The following ABLIM1 variants were observed in gnomAD, a reference collection of about 807,000 sequenced individuals.
The protein encoded by ABLIM1 is actin binding LIM protein 1, also known as actin-binding LIM protein 1.
Under a neutral mutation model 107.0 loss-of-function variants are expected in ABLIM1, and 40 were observed. The observed-to-expected ratio is 0.37, with a 90% CI of 0.29 to 0.49. The LOEUF (loss-of-function observed/expected upper bound fraction) is 0.49. Ranked by LOEUF, ABLIM1 falls within the 20% of genes least tolerant of loss-of-function variation. The pLI is 0.97. For synonymous variants in ABLIM1, 357 were observed against 357.3 expected (o/e 1.00, Z 0.01); for missense variants, 857 against 1,008.5 (o/e 0.85, Z 2.04).
chr10:114,654,197 G>C (rs963991713), intron 1 of ABLIM1, among the ~76,000 whole-genome samples: 8 of 152,146 alleles, frequency 5.3e-5, no homozygotes, highest in Non-Finnish European at 7.3e-5. Context: ...TGGCTTTCTG[G>C]GAATCCCACG....
chr10:114,668,287 G>GATTAATTTAATCAAA (rs2080108396), intron 1 of ABLIM1, among the ~76,000 whole-genome samples: 1 of 152,154 alleles, frequency 6.6e-6, no homozygotes, highest in African/African-American at 2.4e-5. Flanking sequence ...AGGGACAAGT[G>GATTAATTTAATCAAA]GAGTGAGACA....
In ABLIM1 at chr10:114,435,431, C is replaced by G. The variant is rs138330657; in HGVS notation, c.*829G>C. On this transcript the variant is annotated 3_prime_UTR_variant, in exon 23 of 23. Coordinates refer to ENST00000533213, the MANE Select transcript of ABLIM1 (RefSeq NM_002313.7). Reference sequence around the variant, plus strand: ...CCTAATGGCATGCCACTGGGCCAATCTGGGGGCAATTTGTGTTTTTCCTTT... The same window carrying G: ...CCTAATGGCATGCCACTGGGCCAATGTGGGGGCAATTTGTGTTTTTCCTTT... 1 of 152,308 alleles carries G rather than the reference C, an allele frequency of 6.6e-6. No homozygotes were observed. Among genetic ancestry groups the G allele is most frequent in the East Asian group, 1.9e-4 (1 of 5,186 alleles). The allele number at this position is 152,308 out of a possible 1,614,324, so 9.4% of individuals were successfully genotyped here. A position where few individuals can be genotyped will look rare whatever the true frequency, so the allele number is the denominator to read the frequency against.
chr10:114,473,486 T>C (rs2066977443), intron 9 of ABLIM1, among the ~76,000 whole-genome samples: 1 of 152,190 alleles, frequency 6.6e-6, no homozygotes, highest in Admixed American at 6.5e-5. Context: ...GCATAATTAA[T>C]AAACTAAATA....
At chr10:114,512,827 AGAAGGAAG>A (rs146841851) in intron 6 of ABLIM1, among the ~76,000 whole-genome samples, 37 of 81,816 alleles carry the variant, frequency 4.5e-4, no homozygotes, top group African/African-American at 6.1e-4. Context: ...TCCATCAGAT[AGAAGGAAG>A]GAAGGAAGGA....
At chr10:114,611,545 C>T (rs981558008) in intron 1 of ABLIM1, among the ~76,000 whole-genome samples, 3 of 152,062 alleles carry the variant, frequency 2.0e-5, no homozygotes, top group African/African-American at 7.2e-5. Flanking sequence ...TAGGTCCTTG[C>T]TATTCCTCCA....
chr10:114,579,095 T>C (rs560401762), intron 2 of ABLIM1, among the ~76,000 whole-genome samples: 5 of 152,122 alleles, frequency 3.3e-5, no homozygotes, highest in African/African-American at 9.7e-5. Context: ...CCCAATGAGG[T>C]GTTTCTTTGA....
intron 12 of ABLIM1, among the ~76,000 whole-genome samples, chr10:114,457,432 G>A (rs2063039828): frequency 6.6e-6 from 1 of 152,026 alleles, no homozygotes; most frequent in Non-Finnish European, 1.5e-5. Context: ...ACCACATCCA[G>A]CTAGTTTTTG....
chr10:114,674,691 T>C (rs1229343562), intron 1 of ABLIM1, among the ~76,000 whole-genome samples: 1 of 151,770 alleles, frequency 6.6e-6, no homozygotes, highest in Non-Finnish European at 1.5e-5. Context: ...ATCTGAGCTA[T>C]CTTAATAATT....
At chr10:114,785,095 C>T in the ABLIM1 span, among the ~76,000 whole-genome samples, 1 of 152,178 alleles carries the variant, frequency 6.6e-6, no homozygotes, top group South Asian at 2.1e-4. Flanking sequence ...AACAGTGCCA[C>T]CTCGTACAAA....
intron 1 of ABLIM1, among the ~76,000 whole-genome samples, chr10:114,620,302 T>C (rs531536972): frequency 6.6e-6 from 1 of 152,332 alleles, no homozygotes; most frequent in East Asian, 1.9e-4. Context: ...TGTGTAAAAG[T>C]GTGTTTCTTC....
chr10:114,559,090 T>C (rs772565633), intron 4 of ABLIM1, among the ~76,000 whole-genome samples: 22 of 152,172 alleles, frequency 1.4e-4, no homozygotes, highest in Non-Finnish European at 2.4e-4. Context: ...ATCATTGCTT[T>C]CCAGCCCCTC....
intron 1 of ABLIM1, among the ~76,000 whole-genome samples, chr10:114,722,078 T>C (rs2081860991): frequency 6.6e-6 from 1 of 152,196 alleles, no homozygotes; most frequent in African/African-American, 2.4e-5. Context: ...ATTTAGAAGT[T>C]CAGATCTCTG....
chr10:114,456,037 A>G lies in ABLIM1; in HGVS notation c.1442-2554T>C, dbSNP rs11196746. Reference sequence around the variant, plus strand: ...CACCATGTTAGCCAGGATGGTCTCAATCTCCTGACCTCGTGATCCACCCGC... The same window carrying G: ...CACCATGTTAGCCAGGATGGTCTCAGTCTCCTGACCTCGTGATCCACCCGC... On this transcript the variant is annotated intron_variant, in intron 12 of 22. Transcript: ENST00000533213. Among the ~76,000 whole-genome samples, 448 of 151,534 alleles carry G rather than the reference A, an allele frequency of 3.0e-3. 1 individual carries two copies. Among genetic ancestry groups the G allele is most frequent in the African/African-American group, 0.01 (427 of 41,240 alleles).
chr10:114,474,035 TAAA>T, intron 8 of ABLIM1, 79 bp from the exon 9 acceptor site: 2 of 1,070,988 alleles, frequency 1.9e-6, no homozygotes, highest in Non-Finnish European at 1.4e-6. Flanking sequence ...TAAGCTTTAC[TAAA>T]AACTCAGCTA....
At chr10:114,466,980 G>A (rs1198108799) in intron 11 of ABLIM1, among the ~76,000 whole-genome samples, 1 of 152,090 alleles carries the variant, frequency 6.6e-6, no homozygotes, top group Non-Finnish European at 1.5e-5. Flanking sequence ...CCAACATGGT[G>A]AAACCCTGTC....
intron 1 of ABLIM1, among the ~76,000 whole-genome samples, chr10:114,628,916 C>T (rs1020096327): frequency 6.6e-5 from 10 of 152,040 alleles, no homozygotes; most frequent in South Asian, 2.1e-4. Flanking sequence ...TATAGGTTGA[C>T]GAGCGTGTAT....
chr10:114,524,857 T>C (rs1287647140), intron 6 of ABLIM1, among the ~76,000 whole-genome samples: 1 of 152,216 alleles, frequency 6.6e-6, no homozygotes, highest in African/African-American at 2.4e-5. Flanking sequence ...ATTCCCAAGA[T>C]GTGATTTCAG....
chr10:114,663,601 T>A (rs1259625663), intron 1 of ABLIM1, among the ~76,000 whole-genome samples: 1 of 152,188 alleles, frequency 6.6e-6, no homozygotes, highest in Non-Finnish European at 1.5e-5. Flanking sequence ...TCTAAGAACT[T>A]CTATACCACA....
rs1255727656 is a variant in ABLIM1 at position 114,644,581 on chromosome 10, C to T, written c.244+13376G>A. Reference sequence around the variant, plus strand: ...CCCATCTTGTGAGTAGGCACTGAGCCGTATGACTCCTCCCCTTGCCTATGG... The same window carrying T: ...CCCATCTTGTGAGTAGGCACTGAGCTGTATGACTCCTCCCCTTGCCTATGG... On this transcript the variant is annotated intron_variant, in intron 1 of 22. Transcript: ENST00000533213. 2.6e-5 allele frequency among the ~76,000 whole-genome samples: 4 copies of T among 151,902 alleles called. No individual in the cohort carries two copies. The East Asian group carries it at 5.8e-4, about 22-fold the overall frequency.
Sources: allele counts gnomAD v4.1 joint callset (sites outside exome capture counted in the v4.1 genomes callset), GRCh38; gene constraint gnomAD v4.1.1; transcripts MANE v1.5; gene names NCBI Gene and HGNC (gene_info 2026-07-23, HGNC 2026-07-21).